The following WAC variants were observed in gnomAD, a reference collection of about 807,000 sequenced individuals.
The protein encoded by WAC is WW domain containing adaptor with coiled-coil, also known as WW domain-containing adapter protein with coiled-coil.
In WAC, 11 loss-of-function variants were observed where a neutral mutation model predicts 79.6. The ratio of observed to expected loss-of-function variants is 0.14; its 90% CI spans 0.09 to 0.23. WAC has a LOEUF of 0.23. Among genes scored for constraint, WAC ranks in the 10% least tolerant of loss-of-function variants. The pLI is 1.00. For synonymous variants in WAC, 304 were observed against 276.9 expected, an observed-to-expected ratio of 1.10 and a Z score of -0.97; for missense variants, 728 against 773.5, an observed-to-expected ratio of 0.94 and a Z score of 0.70.
At chr10:28,541,957 C>G (rs1837076806) in intron 3 of WAC, among the ~76,000 whole-genome samples, 1 of 152,120 alleles carries the variant, frequency 6.6e-6, no homozygotes, top group Non-Finnish European at 1.5e-5. Flanking sequence ...CCTCACATCT[C>G]TCTCAAGCTC....
At chr10:28,600,817 GGATACATTAAA>G (rs1840605441) in intron 7 of WAC, among the ~76,000 whole-genome samples, 1 of 151,820 alleles carries the variant, frequency 6.6e-6, no homozygotes, top group Admixed American at 6.6e-5. Flanking sequence ...ACATGTAACA[GGATACATTAAA>G]GATACATAAA....
At chr10:28,585,882 T>C (rs1021939102) in intron 4 of WAC, among the ~76,000 whole-genome samples, 17 of 152,172 alleles carry the variant, frequency 1.1e-4, no homozygotes, top group African/African-American at 3.9e-4. Flanking sequence ...TTTAACCCAG[T>C]GAAGTCAGAA....
At chr10:28,581,863 G>A (rs1257780934) in intron 3 of WAC, among the ~76,000 whole-genome samples, 1 of 152,082 alleles carries the variant, frequency 6.6e-6, no homozygotes, top group Non-Finnish European at 1.5e-5. Flanking sequence ...TCTTGATTCT[G>A]TTCATTCATA....
intron 3 of WAC, among the ~76,000 whole-genome samples, chr10:28,543,872 G>GTT (rs138444776): frequency 6.6e-6 from 1 of 151,976 alleles, no homozygotes; most frequent in Non-Finnish European, 1.5e-5. Context: ...CCTTTGTTTT[G>GTT]TTTTTTGTTG....
rs79076092 is a variant in WAC, at chr10:28,614,676, A to C, written c.1547A>C (p.Gln516Pro). The part of the protein sequence containing the change: ...GHEPVSPRSL[Q>P]RSSSQRSPSP... ...GAACCTGTCTCTCCTCGAAGTCTTC[A>C]GCGCTCAAGGTAGGTTGATATTGTA... is the stretch of plus-strand genomic sequence containing the variant. The change falls in exon 11 of 14, where the codon CAG (glutamine) becomes CCG (proline). Residue 516 changes from glutamine to proline, a missense_variant. Transcript: ENST00000354911. 2.5e-6 allele frequency: 4 copies of C among 1,613,666 alleles called. No homozygotes were observed. The African/African-American group carries it at 5.3e-5, about 22-fold the overall frequency.
At chr10:28,551,784 T>TTGTGTGTG (rs71769370) in intron 3 of WAC, among the ~76,000 whole-genome samples, 14,083 of 124,648 alleles carry the variant, frequency 0.11, 932 homozygotes, top group East Asian at 0.19. Flanking sequence ...TCCTGTCTAC[T>TTGTGTGTG]TGTGTGTGTG....
chr10:28,535,645 A>G lies in WAC; in HGVS notation c.162A>G (p.Pro54=). 2 of 1,614,090 alleles carry G rather than the reference A, an allele frequency of 1.2e-6. No individual in the cohort carries two copies. The highest frequency in any genetic ancestry group is 2.2e-5 in the East Asian group (1 of 44,876). ...TGCGAGACGCCGGAGATCCTTCACC[A>G]CCAAATAAAATGTTGCGGAGATCTG... ...EKMRDAGDPS[P]PNKMLRRSDS... is the part of the protein sequence containing the mutation. The change falls in exon 3 of 14, where the codon CCA becomes CCG. Residue 54 remains proline (P), a synonymous_variant. Coordinates refer to ENST00000354911, the MANE Select transcript of WAC (RefSeq NM_016628.5).
At chr10:28,542,704 T>C (rs1247379552) in intron 3 of WAC, among the ~76,000 whole-genome samples, 1 of 152,204 alleles carries the variant, frequency 6.6e-6, no homozygotes, top group Non-Finnish European at 1.5e-5. Context: ...TGAACTAAGA[T>C]AGCTATTAGA....
At chr10:28,570,163 C>CA (rs1838865340) in intron 3 of WAC, among the ~76,000 whole-genome samples, 1 of 152,170 alleles carries the variant, frequency 6.6e-6, no homozygotes, top group Non-Finnish European at 1.5e-5. Flanking sequence ...TACCTTTTTT[C>CA]TCTCTTTAAT....
chr10:28,532,883 C>G (rs1479842092), upstream of WAC: 1 of 152,894 alleles, frequency 6.5e-6, no homozygotes, highest in Non-Finnish European at 1.5e-5. Context: ...GGCGCCCGAG[C>G]GAGACTATCC....
Position 28,617,678 on chromosome 10 carries a change from G to T in WAC, c.1768G>T (p.Ala590Ser). The T allele has an allele frequency of 6.3e-7, 1 of 1,580,498 alleles. No homozygotes were observed. Among genetic ancestry groups the T allele is most frequent in the South Asian group, 1.2e-5 (1 of 80,802 alleles). Residue 590 changes from alanine (A) to serine (S), a missense_variant, in exon 13 of 14, where the codon GCG becomes TCG. By Grantham distance (99) the Ala-to-Ser change is moderately conservative. Coordinates refer to ENST00000354911, the MANE Select transcript of WAC (RefSeq NM_016628.5). ...ACAGGCATCAAGATTACGCGAAGAA[G>T]CGCATAACATGGGAACTATTCACAT... is the stretch of plus-strand genomic sequence containing the variant. ...EKQASRLREE[A>S]HNMGTIHMSE...
At chr10:28,586,929 T>C (rs1215272158) in intron 4 of WAC, among the ~76,000 whole-genome samples, 1 of 152,184 alleles carries the variant, frequency 6.6e-6, no homozygotes, top group African/African-American at 2.4e-5. Flanking sequence ...TTCCAGCTCA[T>C]CTTGTTATCA....
intron 2 of WAC, 178 bp from the exon 3 acceptor site, chr10:28,535,384 C>A: frequency 1.6e-6 from 1 of 627,634 alleles, no homozygotes; most frequent in Non-Finnish European, 2.5e-6. Context: ...TATTGTAACG[C>A]TTAAGCATTA....
intron 3 of WAC, among the ~76,000 whole-genome samples, chr10:28,558,857 C>T (rs574414268): frequency 1.1e-4 from 16 of 152,140 alleles, no homozygotes; most frequent in African/African-American, 3.6e-4. Flanking sequence ...GTTGGCTGGC[C>T]CTTAGAGGTC....
intron 3 of WAC, among the ~76,000 whole-genome samples, chr10:28,583,106 A>C (rs1271491304): frequency 6.6e-6 from 1 of 152,120 alleles, no homozygotes; most frequent in Non-Finnish European, 1.5e-5. Context: ...GAAAACCCAG[A>C]AGTTGCTACA....
At chr10:28,538,868 A>T (rs1280766717) in intron 3 of WAC, among the ~76,000 whole-genome samples, 2 of 27,462 alleles carry the variant, frequency 7.3e-5, no homozygotes, top group Non-Finnish European at 1.3e-4. Flanking sequence ...CGTCTGTTTA[A>T]AAAAAAAAAA....
At chr10:28,536,844 T>C (rs1051659306) in intron 3 of WAC, among the ~76,000 whole-genome samples, 1 of 152,252 alleles carries the variant, frequency 6.6e-6, no homozygotes, top group Admixed American at 6.5e-5. Flanking sequence ...ACATGTTGCT[T>C]AAGTAGATAA....
At position 28,608,284 on chromosome 10, in the gene WAC, G is replaced by A; in HGVS notation, c.1018G>A (p.Ala340Thr). 1.9e-6 allele frequency: 3 copies of A among 1,614,120 alleles called. No homozygotes were observed. Among genetic ancestry groups the A allele is most frequent in the South Asian group, 2.2e-5 (2 of 91,080 alleles). ...CCCCACATCTGCACCTCCAACATCT[G>A]CTTCAGCGGTCCCTGTTTCTCCTGT... ...LNPTSAPPTS[A>T]SAVPVSPVPQ... Residue 340 changes from alanine (A) to threonine (T), a missense_variant, in exon 8 of 14, where the codon GCT becomes ACT. By Grantham distance (58) the Ala-to-Thr change is moderately conservative (BLOSUM62 0). Transcript: ENST00000354911.
chr10:28,580,474 C>G (rs1460309449), intron 3 of WAC, among the ~76,000 whole-genome samples: 1 of 152,160 alleles, frequency 6.6e-6, no homozygotes, highest in Non-Finnish European at 1.5e-5. Flanking sequence ...GTGGCACTTT[C>G]ATTTCATAGA....
Sources: allele counts gnomAD v4.1 joint callset (sites outside exome capture counted in the v4.1 genomes callset), GRCh38; gene constraint gnomAD v4.1.1; transcripts MANE v1.5; gene names NCBI Gene and HGNC (gene_info 2026-07-23, HGNC 2026-07-21).